Variants in TRAP1 observed in about 807,000 individuals in gnomAD.
TRAP1 encodes heat shock protein 75 kDa, mitochondrial.
A neutral mutation model predicts 89.1 loss-of-function variants in TRAP1; 102 were observed. The observed-to-expected ratio is 1.15, with a 90% CI of 0.98 to 1.35. The LOEUF (loss-of-function observed/expected upper bound fraction) is 1.35, where lower values mean the gene tolerates loss of function less well. Ranked by LOEUF, TRAP1 falls within the 40% of genes most tolerant of loss-of-function variation. The pLI is 0.00. For missense variants in TRAP1, 1,256 were observed against 945.3 expected, an observed-to-expected ratio of 1.33 and a Z score of -4.31; for synonymous variants, 508 against 388.0, an observed-to-expected ratio of 1.31 and a Z score of -3.64.
rs746683533 is a variant in TRAP1 at position 3,658,088 on chromosome 16, G to C, written c.*41C>G. The C allele has an allele frequency of 6.2e-7, 1 of 1,610,402 alleles. No individual in the cohort carries two copies. The highest frequency in any genetic ancestry group is 8.5e-7 in the Non-Finnish European group (1 of 1,177,036). On this transcript the variant is annotated 3_prime_UTR_variant, in exon 18 of 18. Coordinates refer to ENST00000246957, the MANE Select transcript of TRAP1 (RefSeq NM_016292.3). ...AGGTAAATAAAGCTCAAGGAGGTGG[G>C]GCTGTCATCTGTGGTGTCAGTCCTT...
At position 3,697,436 on chromosome 16, in the gene TRAP1, G is replaced by A. The variant is rs558120404; in HGVS notation, c.89-6451C>T. ...TCCCAGCACTTTGGGAGGCCGAGGC[G>A]GGAGGATCACGAGGTCAGGAGATTG... On this transcript the variant is annotated intron_variant, in intron 1 of 17. Transcript: ENST00000246957. Among the ~76,000 whole-genome samples, 20 of 152,002 alleles carry A rather than the reference G, an allele frequency of 1.3e-4. No individual in the cohort carries two copies. The East Asian group carries it at 1.4e-3, about 10-fold the overall frequency.
rs1441759325 is a variant in TRAP1 at position 3,709,001 on chromosome 16, G to C, written c.88+8420C>G. ...CAGATAATTTTTTGTATTTTTAGTAGAGATGGGGTTTCACCGTGTTAGCCA... is the reference window on the plus strand; with the variant it reads ...CAGATAATTTTTTGTATTTTTAGTACAGATGGGGTTTCACCGTGTTAGCCA... On this transcript the variant is annotated intron_variant, in intron 1 of 17. Coordinates refer to ENST00000246957, the MANE Select transcript of TRAP1 (RefSeq NM_016292.3). Among the ~76,000 whole-genome samples the C allele has an allele frequency of 4.0e-5, 6 of 151,732 alleles. No individual in the cohort carries two copies. In the East Asian group the frequency reaches 1.2e-3, roughly 30 times the overall value.
chr16:3,685,018 G>C (rs957118218), intron 4 of TRAP1, among the ~76,000 whole-genome samples: 20 of 152,172 alleles, frequency 1.3e-4, no homozygotes, highest in Admixed American at 2.6e-4. Flanking sequence ...CATGAGGACT[G>C]GCCCCTCTGC....
intron 1 of TRAP1, among the ~76,000 whole-genome samples, chr16:3,692,877 G>T (rs1411888191): frequency 6.6e-6 from 1 of 151,936 alleles, no homozygotes; most frequent in Non-Finnish European, 1.5e-5. Context: ...AGGATTACAG[G>T]CATGAGCCAC....
At position 3,658,168 on chromosome 16, in the gene TRAP1, G is replaced by A. The variant is rs774100056; in HGVS notation, c.2076C>T (p.Arg692=). The change falls in exon 18 of 18, where the codon CGC becomes CGT. Residue 692 remains arginine, a synonymous_variant. Transcript: ENST00000246957. The part of the protein sequence containing the change: ...LVDDPRAMVG[R]LNELLVKALE... The stretch of plus-strand genomic sequence containing the variant: ...GGGCCTTGACAAGCAGCTCATTCAA[G>A]CGGCCCACCATGGCCCTAGGGTCGT... 3 of 1,613,892 alleles carry A rather than the reference G, an allele frequency of 1.9e-6. No homozygotes were observed. Among genetic ancestry groups the A allele is most frequent in the African/African-American group, 2.7e-5 (2 of 74,934 alleles).
In TRAP1 at chr16:3,660,386, C is replaced by T. The variant is rs376803289; in HGVS notation, c.1941-1521G>A. The T allele has an allele frequency of 2.6e-5, 4 of 152,260 alleles. No individual in the cohort carries two copies. In the East Asian group the frequency reaches 5.8e-4, roughly 22 times the overall value. 9.4% of individuals were successfully genotyped at this position (152,260 alleles called of 1,614,324 possible). On this transcript the variant is annotated intron_variant, in intron 16 of 17. Transcript: ENST00000246957. The stretch of plus-strand genomic sequence containing the variant: ...GCACAGTGGCTCTCGCCTGTAATCC[C>T]ACCACTTTGGGAGGCCAAGGCTGCA...
At chr16:3,699,580 TG>T (rs1348051219) in intron 1 of TRAP1, among the ~76,000 whole-genome samples, 1 of 148,884 alleles carries the variant, frequency 6.7e-6, no homozygotes, top group Non-Finnish European at 1.5e-5. Context: ...GAGCCGAGAT[TG>T]TGCCATTGCA....
intron 4 of TRAP1, among the ~76,000 whole-genome samples, chr16:3,684,427 T>A (rs757575919): frequency 2.0e-5 from 3 of 152,186 alleles, no homozygotes; most frequent in Non-Finnish European, 4.4e-5. Context: ...ATAATACCTC[T>A]GAGACCCCAC....
chr16:3,681,408 C>T (rs545878205), intron 4 of TRAP1, among the ~76,000 whole-genome samples: 31 of 152,306 alleles, frequency 2.0e-4, no homozygotes, highest in African/African-American at 7.5e-4. Flanking sequence ...TCAGCCTTCC[C>T]ATTGTAGGCA....
At chr16:3,678,699 G>A (rs567396865) in intron 5 of TRAP1, 1 of 152,374 alleles carries the variant, frequency 6.6e-6, no homozygotes, top group African/African-American at 2.4e-5. Flanking sequence ...CTGACCTCGT[G>A]ATCCACCTGC....
intron 11 of TRAP1, 151 bp from the exon 12 acceptor site, chr16:3,666,269 G>T: frequency 9.5e-7 from 1 of 1,052,530 alleles, no homozygotes; most frequent in Non-Finnish European, 1.3e-6. Flanking sequence ...AGACTGAGCA[G>T]AAAGACAGAA....
chr16:3,667,650 T>A (rs1445034036), intron 11 of TRAP1, among the ~76,000 whole-genome samples: 2 of 149,228 alleles, frequency 1.3e-5, no homozygotes, highest in Non-Finnish European at 3.0e-5. Context: ...AATAAATAAA[T>A]AAAAATAAAA....
intron 1 of TRAP1, among the ~76,000 whole-genome samples, chr16:3,697,014 C>G (rs986285317): frequency 6.6e-6 from 1 of 152,154 alleles, no homozygotes; most frequent in African/African-American, 2.4e-5. Flanking sequence ...CCGTAAGACA[C>G]CACGCCCAGC....
rs79312766 is a variant in TRAP1, at chr16:3,704,782, G to C, written c.88+12639C>G. ...TAACCCCAGTGCTTTGGAAGGCCAA[G>C]TTGGGAGGAACACTTGAGGCCAGGA... is the stretch of plus-strand genomic sequence containing the variant. On this transcript the variant is annotated intron_variant, in intron 1 of 17. Transcript: ENST00000246957. 6.4e-3 allele frequency among the ~76,000 whole-genome samples: 965 copies of C among 151,812 alleles called. 15 individuals are homozygous for C. The highest frequency in any genetic ancestry group is 0.022 in the African/African-American group (922 of 41,392).
intron 1 of TRAP1, among the ~76,000 whole-genome samples, chr16:3,698,743 C>CA (rs1203386516): frequency 2.0e-5 from 3 of 151,894 alleles, no homozygotes; most frequent in Non-Finnish European, 4.4e-5. Flanking sequence ...CCCATCTCTA[C>CA]AAAAAAACAG....
intron 1 of TRAP1, among the ~76,000 whole-genome samples, chr16:3,701,713 A>G (rs973345674): frequency 3.3e-5 from 5 of 152,154 alleles, no homozygotes; most frequent in African/African-American, 9.7e-5. Context: ...AACACAGAGA[A>G]GGGTGCGTCC....
chr16:3,691,655 G>A (rs17794167), intron 1 of TRAP1, among the ~76,000 whole-genome samples: 3,617 of 151,808 alleles, frequency 0.024, 72 homozygotes, highest in Non-Finnish European at 0.03. Context: ...CTTTGCTCTT[G>A]ACAGTCAAGC....
Position 3,679,714 on chromosome 16 carries a change from C to G in TRAP1, c.543+5G>C, listed in dbSNP as rs1407199710. On this transcript the variant is annotated splice_donor_5th_base_variant and intron_variant, in intron 5 of 17. Transcript: ENST00000246957. ...GGGGAGGCTGTGTGGGGGCCCCACG[C>G]TTACCTTTGACCCCGATCTGGCAAT... 2 of 1,614,054 alleles carry G rather than the reference C, an allele frequency of 1.2e-6. No individual in the cohort carries two copies. The highest frequency in any genetic ancestry group is 2.2e-5 in the South Asian group (2 of 91,090).
Position 3,668,810 on chromosome 16 carries a change from C to T in TRAP1, c.1236-2692G>A, listed in dbSNP as rs528171784. Among the ~76,000 whole-genome samples the T allele has an allele frequency of 1.2e-4, 18 of 152,310 alleles. No individual in the cohort carries two copies. The South Asian group carries it at 2.3e-3, about 19-fold the overall frequency. ...TTCCACAACTATGAGTGAGGACTCA[C>T]GGCTCCCCTCACAGGATGAAACACG... On this transcript the variant is annotated intron_variant, in intron 11 of 17. Transcript: ENST00000246957.
Sources: gnomAD v4.1 joint callset for allele counts (sites outside exome capture counted in the v4.1 genomes callset) on GRCh38, gnomAD v4.1.1 for gene constraint, MANE v1.5 for transcripts, NCBI Gene and HGNC (gene_info 2026-07-23, HGNC 2026-07-21) for gene names.